The following DCAF13 variants were observed in gnomAD, a reference collection of about 807,000 sequenced individuals.
DCAF13 encodes DDB1- and CUL4-associated factor 13.
Under a neutral mutation model 59.0 loss-of-function variants are expected in DCAF13, and 38 were observed. The ratio of observed to expected loss-of-function variants is 0.64; its 90% CI spans 0.50 to 0.84. The LOEUF (loss-of-function observed/expected upper bound fraction) is 0.84, where lower values mean the gene tolerates loss of function less well. Ranked by LOEUF, DCAF13 falls within the 40% of genes least tolerant of loss-of-function variation. DCAF13 has a pLI of 0.00. For synonymous variants in DCAF13, 173 were observed against 175.0 expected (o/e 0.99, Z 0.09); for missense variants, 469 against 558.4 (o/e 0.84, Z 1.61).
At position 103,427,176 on chromosome 8, in the gene DCAF13, A is replaced by T. The variant is rs763209111; in HGVS notation, c.548A>T (p.Glu183Val). ...GGACAGCAAGTAGACATTTGGGATGAACAAAGAACTAATCCTATATGTTCA... is the reference window on the plus strand; with the variant it reads ...GGACAGCAAGTAGACATTTGGGATGTACAAAGAACTAATCCTATATGTTCA... Reference protein sequence around the residue: ...TCGQQVDIWDEQRTNPICSMT... With the variant: ...TCGQQVDIWDVQRTNPICSMT... Residue 183 changes from glutamate (E) to valine (V), a missense_variant, in exon 5 of 11, where the codon GAA becomes GTA. By Grantham distance (121) the Glu-to-Val change is moderately radical (BLOSUM62 -2). Transcript: ENST00000612750. 2.6e-5 allele frequency: 42 copies of T among 1,613,472 alleles called. No individual in the cohort carries two copies. Among genetic ancestry groups the T allele is most frequent in the Non-Finnish European group, 3.6e-5 (42 of 1,179,622 alleles).
intron 1 of DCAF13, among the ~76,000 whole-genome samples, chr8:103,416,236 G>A (rs1460922567): frequency 1.3e-5 from 2 of 152,202 alleles, no homozygotes; most frequent in Non-Finnish European, 2.9e-5. Flanking sequence ...GAGATGAGGC[G>A]AAAACAGTAT....
At chr8:103,424,358 T>A (rs1487527861) in intron 3 of DCAF13, among the ~76,000 whole-genome samples, 1 of 152,220 alleles carries the variant, frequency 6.6e-6, no homozygotes, top group Non-Finnish European at 1.5e-5. Context: ...GTGTGCTTTG[T>A]CAGAGATAAG....
chr8:103,427,331 G>T (rs1444259254), intron 5 of DCAF13, 79 bp downstream of exon 5: 2 of 1,261,570 alleles, frequency 1.6e-6, no homozygotes, highest in Non-Finnish European at 2.2e-6. Context: ...TTGAATGTAT[G>T]ATAGAAACTT....
chr8:103,420,935 T>G (rs1816713752), intron 2 of DCAF13, 40 bp from the exon 3 acceptor site: 1 of 1,323,446 alleles, frequency 7.6e-7, no homozygotes, highest in Non-Finnish European at 1.1e-6. Flanking sequence ...ACATTTTACA[T>G]TTATAGTTCA....
intron 1 of DCAF13, among the ~76,000 whole-genome samples, chr8:103,419,126 C>T (rs1005596981): frequency 1.1e-4 from 16 of 151,526 alleles, no homozygotes; most frequent in Non-Finnish European, 2.1e-4. Flanking sequence ...CCTCGTGATC[C>T]GTCCGTCCCG....
intron 6 of DCAF13, 21 bp from the exon 7 acceptor site, chr8:103,432,638 C>T (rs1394191380): frequency 1.4e-6 from 2 of 1,439,764 alleles, no homozygotes; most frequent in South Asian, 1.2e-5. Context: ...GTGGGAAATT[C>T]ATCCATTCTT....
In DCAF13 at chr8:103,427,475, T is replaced by C. The variant is rs1334974068; in HGVS notation, c.624+223T>C. On this transcript the variant is annotated intron_variant, in intron 5 of 10. Transcript: ENST00000612750. Reference sequence around the variant, plus strand: ...CTAGAGTTAAGCATTGTTAGAGGAGTGGTGTGTGCATTTGCCCATTGGGGT... The same window carrying C: ...CTAGAGTTAAGCATTGTTAGAGGAGCGGTGTGTGCATTTGCCCATTGGGGT... 1.3e-5 allele frequency: 7 copies of C among 526,798 alleles called. No homozygotes were observed. In the Admixed American group the frequency reaches 1.4e-4, roughly 11 times the overall value. 32.6% of individuals were successfully genotyped at this position (526,798 alleles called of 1,614,324 possible).
chr8:103,442,724 A>G (rs1254538869), intron 10 of DCAF13, 71 bp from the exon 11 acceptor site: 2 of 1,068,610 alleles, frequency 1.9e-6, no homozygotes, highest in Non-Finnish European at 2.6e-6. Context: ...AAATGCTTTG[A>G]TTTTTCTGAG....
At chr8:103,420,600 CTGTT>C in intron 2 of DCAF13, 137 bp downstream of exon 2, 2 of 854,816 alleles carry the variant, frequency 2.3e-6, no homozygotes, top group Non-Finnish European at 3.6e-6. Context: ...GTTAGGAATA[CTGTT>C]TAGTATTTTC....
At chr8:103,421,291 A>G in intron 3 of DCAF13, 1 of 654,734 alleles carries the variant, frequency 1.5e-6, no homozygotes, top group Non-Finnish European at 2.8e-6. Flanking sequence ...CTAATATTCA[A>G]TTTACCACAA....
chr8:103,419,571 A>G (rs572050499), intron 1 of DCAF13, among the ~76,000 whole-genome samples: 1 of 152,342 alleles, frequency 6.6e-6, no homozygotes, highest in South Asian at 2.1e-4. Flanking sequence ...TCCCTGCCCT[A>G]CAGGAAGCTT....
At chr8:103,423,866 C>T (rs1816754598) in intron 3 of DCAF13, among the ~76,000 whole-genome samples, 1 of 151,820 alleles carries the variant, frequency 6.6e-6, no homozygotes, top group African/African-American at 2.4e-5. Context: ...CACTTATTTC[C>T]CCCCACTTTA....
intron 1 of DCAF13, among the ~76,000 whole-genome samples, chr8:103,417,473 C>G (rs1221589832): frequency 6.6e-6 from 1 of 151,222 alleles, no homozygotes; most frequent in Non-Finnish European, 1.5e-5. Context: ...AATCCCGTCT[C>G]TACTAAAAAT....
intron 7 of DCAF13, among the ~76,000 whole-genome samples, chr8:103,434,669 C>G (rs1303400363): frequency 3.3e-5 from 5 of 152,012 alleles, no homozygotes; most frequent in East Asian, 1.9e-4. Flanking sequence ...ACTCACTAAT[C>G]TTAGCATCTT....
intron 7 of DCAF13, among the ~76,000 whole-genome samples, chr8:103,434,953 A>G (rs577974312): frequency 8.9e-4 from 135 of 152,234 alleles, no homozygotes; most frequent in Non-Finnish European, 1.3e-3. Context: ...AACTCAAATC[A>G]AGCCTAAAAA....
At chr8:103,441,402 A>G (rs1377215502) in intron 9 of DCAF13, 53 bp from the exon 10 acceptor site, 1 of 1,503,704 alleles carries the variant, frequency 6.7e-7, no homozygotes, top group Non-Finnish European at 8.9e-7. Context: ...GCTTTTTTAT[A>G]CTGAAGCAAA....
chr8:103,420,031 C>G (rs950138086), intron 1 of DCAF13, among the ~76,000 whole-genome samples: 4 of 150,660 alleles, frequency 2.7e-5, no homozygotes, highest in Non-Finnish European at 5.9e-5. Flanking sequence ...AAAGGAAATG[C>G]TGCATGTATA....
intron 8 of DCAF13, among the ~76,000 whole-genome samples, chr8:103,436,156 A>G (rs1391879327): frequency 6.6e-6 from 1 of 152,112 alleles, no homozygotes; most frequent in African/African-American, 2.4e-5. Flanking sequence ...TCATATGACT[A>G]TTTTTGTTTC....
At chr8:103,422,328 A>G (rs935422279) in intron 3 of DCAF13, among the ~76,000 whole-genome samples, 1 of 152,214 alleles carries the variant, frequency 6.6e-6, no homozygotes, top group African/African-American at 2.4e-5. Flanking sequence ...TCAGAGCTGA[A>G]CTTGACATCA....
Sources: gnomAD v4.1 joint callset for allele counts (sites outside exome capture counted in the v4.1 genomes callset) on GRCh38, gnomAD v4.1.1 for gene constraint, MANE v1.5 for transcripts, NCBI Gene and HGNC (gene_info 2026-07-23, HGNC 2026-07-21) for gene names.